TASP1: variants seen among roughly 807,000 people sequenced by gnomAD.
The protein encoded by TASP1 is threonine aspartase 1.
Under a neutral mutation model 56.6 loss-of-function variants are expected in TASP1, and 16 were observed. The ratio of observed to expected loss-of-function variants is 0.28; its 90% CI spans 0.19 to 0.43. The LOEUF is 0.43. TASP1 is among the 20% of genes least tolerant of loss of function. TASP1 has a pLI of 1.00. For missense variants in TASP1, 393 were observed against 511.6 expected (o/e 0.77, Z 2.24); for synonymous variants, 179 against 184.2 (o/e 0.97, Z 0.23).
the TASP1 span, chr20:13,279,832 C>T: frequency 3.1e-6 from 5 of 1,613,906 alleles, no homozygotes; most frequent in African/African-American, 5.3e-5. Context: ...CCTCAACCCC[C>T]CCAGGGGGTG....
chr20:13,554,160 A>T (rs2046076338), intron 8 of TASP1, among the ~76,000 whole-genome samples: 1 of 152,162 alleles, frequency 6.6e-6, no homozygotes, highest in Non-Finnish European at 1.5e-5. Context: ...GTATAAGAAA[A>T]AGGCCCAAGA....
chr20:13,463,751 C>T (rs2044146174), intron 11 of TASP1, among the ~76,000 whole-genome samples: 2 of 152,064 alleles, frequency 1.3e-5, no homozygotes, highest in South Asian at 4.1e-4. Context: ...TGAAAAGATG[C>T]TTAATGTCAC....
At chr20:13,394,346 C>T (rs375672705) in intron 13 of TASP1, among the ~76,000 whole-genome samples, 38 of 145,292 alleles carry the variant, frequency 2.6e-4, no homozygotes, top group Middle Eastern at 3.5e-3. Context: ...TGCGGTAGCT[C>T]ACGCCTGTAA....
the TASP1 span, among the ~76,000 whole-genome samples, chr20:13,151,998 TATAATC>T: frequency 1.3e-5 from 2 of 152,066 alleles, no homozygotes; most frequent in Non-Finnish European, 1.5e-5. Context: ...AAAAAAAAGA[TATAATC>T]ATAATCCAAA....
the TASP1 span, among the ~76,000 whole-genome samples, chr20:13,338,227 T>C: frequency 5.9e-4 from 90 of 152,252 alleles, no homozygotes; most frequent in African/African-American, 1.8e-3. Context: ...TTCTCCCCTT[T>C]TTAGACCACA....
the TASP1 span, among the ~76,000 whole-genome samples, chr20:13,252,900 C>T: frequency 1.3e-5 from 2 of 152,322 alleles, no homozygotes; most frequent in East Asian, 3.9e-4. Flanking sequence ...GATAATTTCT[C>T]CTCTCTCTTA....
chr20:13,394,621 A>AG (rs1204784031), intron 13 of TASP1, among the ~76,000 whole-genome samples: 2 of 151,866 alleles, frequency 1.3e-5, no homozygotes, highest in Non-Finnish European at 2.9e-5. Flanking sequence ...CAAAAAAAAA[A>AG]GAAACTTTGT....
intron 7 of TASP1, among the ~76,000 whole-genome samples, chr20:13,564,862 C>T (rs1018554610): frequency 6.6e-6 from 1 of 151,706 alleles, no homozygotes; most frequent in African/African-American, 2.4e-5. Context: ...AAAAATTAGC[C>T]GGGTGTGGTG....
chr20:13,478,541 T>C (rs143112860), intron 11 of TASP1, among the ~76,000 whole-genome samples: 1 of 151,724 alleles, frequency 6.6e-6, no homozygotes, highest in African/African-American at 2.4e-5. Flanking sequence ...GGACATAGAG[T>C]CTACAATAGT....
chr20:13,610,627 A>T (rs2048320193), intron 4 of TASP1, among the ~76,000 whole-genome samples: 1 of 152,360 alleles, frequency 6.6e-6, no homozygotes, highest in Admixed American at 6.5e-5. Flanking sequence ...TTGTGAATTA[A>T]AGGGTCCAAA....
At chr20:13,387,551 T>A (rs893758376), downstream of TASP1, among the ~76,000 whole-genome samples, 4 of 152,238 alleles carry the variant, frequency 2.6e-5, no homozygotes, top group Admixed American at 6.5e-5. Flanking sequence ...ATTTTCTTTA[T>A]CTAGTTCACT....
chr20:13,549,989 C>T (rs1281863608), intron 8 of TASP1, among the ~76,000 whole-genome samples: 2 of 151,992 alleles, frequency 1.3e-5, no homozygotes, highest in South Asian at 2.1e-4. Flanking sequence ...GCCTTCTTGC[C>T]TCAATTTCAT....
the TASP1 span, among the ~76,000 whole-genome samples, chr20:13,156,039 A>C: frequency 4.2e-4 from 64 of 152,268 alleles, no homozygotes; most frequent in African/African-American, 1.4e-3. Flanking sequence ...ATCTTTAACC[A>C]TCTGATTTTT....
At chr20:13,633,884 A>C (rs1203582599) in intron 1 of TASP1, among the ~76,000 whole-genome samples, 3 of 152,218 alleles carry the variant, frequency 2.0e-5, no homozygotes. Flanking sequence ...ATTTCTGACA[A>C]AAATGTTTGA....
At chr20:13,261,017 C>T in the TASP1 span, among the ~76,000 whole-genome samples, 1 of 152,126 alleles carries the variant, frequency 6.6e-6, no homozygotes, top group East Asian at 1.9e-4. Context: ...GCCTTCTTCA[C>T]CGAGTGTTCT....
At chr20:13,305,731 G>C in the TASP1 span, among the ~76,000 whole-genome samples, 1 of 152,122 alleles carries the variant, frequency 6.6e-6, no homozygotes, top group Non-Finnish European at 1.5e-5. Flanking sequence ...GAAGGAGAGG[G>C]ACATATTCCA....
chr20:13,371,140 T>C, the TASP1 span, among the ~76,000 whole-genome samples: 1 of 152,172 alleles, frequency 6.6e-6, no homozygotes, highest in African/African-American at 2.4e-5. Flanking sequence ...ATTTTCTCTA[T>C]TGTTTTTCAA....
Position 13,413,908 on chromosome 20 carries a change from G to A in TASP1, c.1170+3540C>T, listed in dbSNP as rs117941652. Among the ~76,000 whole-genome samples the A allele has an allele frequency of 4.5e-3, 681 of 151,770 alleles. 3 individuals carry two copies. Among genetic ancestry groups the A allele is most frequent in the East Asian group, 0.01 (53 of 5,172 alleles). On this transcript the variant is annotated intron_variant, in intron 13 of 13. Coordinates refer to ENST00000337743, the MANE Select transcript of TASP1 (RefSeq NM_017714.3). ...ACTGAGAAAATATTGTCCATATTAT[G>A]GCCCTTTACCCCTAGATGCATTAGT...
At chr20:13,304,493 C>T in the TASP1 span, among the ~76,000 whole-genome samples, 35 of 152,146 alleles carry the variant, frequency 2.3e-4, 1 homozygote, top group Non-Finnish European at 4.9e-4. Flanking sequence ...CTTTTGCTGT[C>T]CCAAGCATCC....
Sources: allele counts gnomAD v4.1 joint callset (sites outside exome capture counted in the v4.1 genomes callset), GRCh38; gene constraint gnomAD v4.1.1; transcripts MANE v1.5; gene names NCBI Gene and HGNC (gene_info 2026-07-23, HGNC 2026-07-21).